CNKSR2: variants seen among roughly 807,000 people sequenced by gnomAD.
CNKSR2 encodes the protein CNK homolog protein 2.
Under a neutral mutation model 84.4 loss-of-function variants are expected in CNKSR2, and 14 were observed. The ratio of observed to expected loss-of-function variants is 0.17; its 90% CI spans 0.11 to 0.26. CNKSR2 has a LOEUF of 0.26. CNKSR2 is among the 10% of genes least tolerant of loss of function. The probability of loss-of-function intolerance (pLI) is 1.00; values close to 1 mark genes in which losing one functional copy is unlikely to be tolerated. For missense variants in CNKSR2, 485 were observed against 771.2 expected, an observed-to-expected ratio of 0.63 and a Z score of 4.40; for synonymous variants, 275 against 277.9, an observed-to-expected ratio of 0.99 and a Z score of 0.10.
chrX:21,414,149 A>G (rs753100223), intron 1 of CNKSR2, among the ~76,000 whole-genome samples: 4 of 110,949 alleles, frequency 3.6e-5, no homozygotes, highest in South Asian at 7.7e-4. Flanking sequence ...CCACTAAACT[A>G]TTCTCCATAG....
intron 11 of CNKSR2, among the ~76,000 whole-genome samples, chrX:21,540,959 T>A (rs987910346): frequency 3.6e-5 from 4 of 111,005 alleles, no homozygotes; most frequent in African/African-American, 1.3e-4. Flanking sequence ...AACACAGATG[T>A]AAAGAAAAAT....
intron 11 of CNKSR2, among the ~76,000 whole-genome samples, chrX:21,559,362 G>C (rs757661899): frequency 3.8e-4 from 42 of 109,721 alleles, no homozygotes; most frequent in South Asian, 1.2e-3. Flanking sequence ...CTTTATGAGA[G>C]TCTTACATAA....
intron 13 of CNKSR2, among the ~76,000 whole-genome samples, chrX:21,585,715 G>A (rs1465543677): frequency 1.8e-5 from 2 of 111,143 alleles, no homozygotes; most frequent in African/African-American, 6.5e-5. Flanking sequence ...CCTGGCTAGT[G>A]GTATGAATTC....
intron 4 of CNKSR2, among the ~76,000 whole-genome samples, chrX:21,456,116 C>T (rs908595859): frequency 2.7e-5 from 3 of 111,694 alleles, no homozygotes; most frequent in Non-Finnish European, 5.7e-5. Context: ...AGACATACAA[C>T]ATGATGCTTT....
At chrX:21,651,775 C>T (rs1255735119) in intron 21 of CNKSR2, among the ~76,000 whole-genome samples, 1 of 111,799 alleles carries the variant, frequency 8.9e-6, no homozygotes, top group Non-Finnish European at 1.9e-5. Context: ...TACAGGCCCC[C>T]AGTGCTACAG....
chrX:21,601,187 G>A (rs950664719), intron 17 of CNKSR2, 95 bp from the exon 18 acceptor site: 20 of 497,351 alleles, frequency 4.0e-5, no homozygotes, highest in Non-Finnish European at 5.3e-5. Flanking sequence ...GGATTATTCC[G>A]TATATTCTTA....
chrX:21,531,034 A>G (rs1268122074), intron 10 of CNKSR2, among the ~76,000 whole-genome samples: 10 of 110,995 alleles, frequency 9.0e-5, no homozygotes. Context: ...TTGATGTATA[A>G]TGAAATTTTG....
chrX:21,501,903 T>G (rs778862692), intron 8 of CNKSR2, among the ~76,000 whole-genome samples: 1 of 109,262 alleles, frequency 9.2e-6, no homozygotes, highest in East Asian at 2.9e-4. Context: ...TATGTATAAA[T>G]TCAACCTTTT....
intron 4 of CNKSR2, among the ~76,000 whole-genome samples, chrX:21,460,600 A>G (rs1052603484): frequency 9.0e-5 from 10 of 111,532 alleles, no homozygotes; most frequent in African/African-American, 2.9e-4. Flanking sequence ...ATTATTGACT[A>G]TAGTCACACT....
rs369306189 is a variant in CNKSR2, at chrX:21,490,349, ACTTT to A, written c.562-106_562-103del. ...GATTTTACAGAATAAAATGCCAGTTACTTTCTTCTACTGTTTATTTTTCCTTATG... is the reference window on the plus strand; with the variant it reads ...GATTTTACAGAATAAAATGCCAGTTACTTCTACTGTTTATTTTTCCTTATG... On this transcript the variant is annotated intron_variant, in intron 5 of 21. Transcript: ENST00000379510. 1.2e-4 allele frequency: 92 copies of A among 740,494 alleles called. 2 individuals carry two copies. Among genetic ancestry groups the A allele is most frequent in the African/African-American group, 1.0e-3 (48 of 46,815 alleles). 61.0% of individuals were successfully genotyped at this position (740,494 alleles called of 1,213,427 possible). A position where few individuals can be genotyped will look rare whatever the true frequency, so the allele number is the denominator to read the frequency against.
At chrX:21,404,496 C>T (rs773149624) in intron 1 of CNKSR2, among the ~76,000 whole-genome samples, 1 of 110,285 alleles carries the variant, frequency 9.1e-6, no homozygotes, top group Non-Finnish European at 1.9e-5. Context: ...AAAAAATGTG[C>T]AGTATATTCT....
At chrX:21,501,240 A>G (rs1312767994) in intron 7 of CNKSR2, among the ~76,000 whole-genome samples, 2 of 110,938 alleles carry the variant, frequency 1.8e-5, no homozygotes, top group Non-Finnish European at 3.8e-5. Flanking sequence ...TATAATAAAT[A>G]TCTATATATT....
intron 5 of CNKSR2, among the ~76,000 whole-genome samples, chrX:21,487,818 G>C (rs1024025514): frequency 1.2e-4 from 13 of 112,279 alleles, no homozygotes; most frequent in African/African-American, 3.9e-4. Flanking sequence ...AAAATACAGA[G>C]AATGGGATTC....
intron 1 of CNKSR2, among the ~76,000 whole-genome samples, chrX:21,396,040 C>A (rs2090117577): frequency 9.0e-6 from 1 of 110,964 alleles, no homozygotes; most frequent in South Asian, 3.7e-4. Context: ...TTTTTTCTTT[C>A]TTTTTTCCTT....
intron 1 of CNKSR2, among the ~76,000 whole-genome samples, chrX:21,407,260 A>C (rs1011858891): frequency 2.7e-5 from 3 of 112,012 alleles, no homozygotes; most frequent in African/African-American, 9.7e-5. Flanking sequence ...ATTTTATTAC[A>C]GAAAACATGT....
At chrX:21,632,990 T>TACACACAC (rs200936630) in intron 20 of CNKSR2, among the ~76,000 whole-genome samples, 21 of 100,677 alleles carry the variant, frequency 2.1e-4, no homozygotes, top group South Asian at 9.0e-4. Flanking sequence ...TTATATAATA[T>TACACACAC]ACACACACAC....
At chrX:21,494,343 A>G (rs2091471615) in intron 6 of CNKSR2, 2 of 112,408 alleles carry the variant, frequency 1.8e-5, no homozygotes, top group South Asian at 7.4e-4. Context: ...AAATAGAATC[A>G]ACTTCTGCTT....
At chrX:21,528,594 G>A (rs1364362568) in intron 10 of CNKSR2, among the ~76,000 whole-genome samples, 1 of 110,635 alleles carries the variant, frequency 9.0e-6, no homozygotes, top group Non-Finnish European at 1.9e-5. Context: ...GCTATATATT[G>A]AAGCCAATAA....
At chrX:21,514,513 A>T (rs1328779862) in intron 8 of CNKSR2, among the ~76,000 whole-genome samples, 3 of 111,958 alleles carry the variant, frequency 2.7e-5, no homozygotes, top group Non-Finnish European at 5.7e-5. Flanking sequence ...ATTGTTACTT[A>T]AAAAGAGCAT....
Sources: gnomAD v4.1 joint callset for allele counts (sites outside exome capture counted in the v4.1 genomes callset) on GRCh38, gnomAD v4.1.1 for gene constraint, MANE v1.5 for transcripts, NCBI Gene and HGNC (gene_info 2026-07-23, HGNC 2026-07-21) for gene names.